The following ENPP1 variants were observed in gnomAD, a reference collection of about 807,000 sequenced individuals.
ENPP1 encodes the protein ectonucleotide pyrophosphatase/phosphodiesterase family member 1.
A neutral mutation model predicts 122.8 loss-of-function variants in ENPP1; 73 were observed. That is an observed-to-expected ratio of 0.59 (90% CI 0.49 to 0.72). The LOEUF (loss-of-function observed/expected upper bound fraction) is 0.72, where lower values mean the gene tolerates loss of function less well. Among genes scored for constraint, ENPP1 ranks in the 30% least tolerant of loss-of-function variants. ENPP1 has a pLI of 0.00. For synonymous variants in ENPP1, 367 were observed against 391.6 expected, an observed-to-expected ratio of 0.94 and a Z score of 0.74; for missense variants, 978 against 1,128.1, an observed-to-expected ratio of 0.87 and a Z score of 1.91.
chr6:131,854,923 C>G lies in ENPP1; in HGVS notation c.618-3C>G, dbSNP rs774521656. The G allele has an allele frequency of 6.2e-7, 1 of 1,607,076 alleles. No individual in the cohort carries two copies. The highest frequency in any genetic ancestry group is 1.1e-5 in the South Asian group (1 of 90,958). On this transcript the variant is annotated splice_polypyrimidine_tract_variant and splice_region_variant and intron_variant, in intron 5 of 24. Coordinates refer to ENST00000647893, the MANE Select transcript of ENPP1 (RefSeq NM_006208.3). Reference sequence around the variant, plus strand: ...ACATTTTTTTTTCTTTTTCATTACCCAGGTTTGAAACGCCTCCTACCCTCT... The same window carrying G: ...ACATTTTTTTTTCTTTTTCATTACCGAGGTTTGAAACGCCTCCTACCCTCT...
At chr6:131,827,567 A>C (rs1781560553) in intron 1 of ENPP1, 1 of 596,512 alleles carries the variant, frequency 1.7e-6, no homozygotes, top group Non-Finnish European at 3.1e-6. Context: ...GTCAATTTAA[A>C]GAGTGATGTA....
chr6:131,857,952 C>A (rs1781970600), intron 6 of ENPP1, among the ~76,000 whole-genome samples: 1 of 152,114 alleles, frequency 6.6e-6, no homozygotes, highest in African/African-American at 2.4e-5. Flanking sequence ...AGCCCAAGCC[C>A]TAGCTTTGAA....
intron 1 of ENPP1, among the ~76,000 whole-genome samples, chr6:131,837,436 G>T (rs1364496883): frequency 6.8e-6 from 1 of 146,942 alleles, no homozygotes; most frequent in Non-Finnish European, 1.5e-5. Context: ...TGAAGCAGGA[G>T]AATCGTTTGA....
At chr6:131,821,702 T>G (rs964511371) in intron 1 of ENPP1, among the ~76,000 whole-genome samples, 1 of 152,196 alleles carries the variant, frequency 6.6e-6, no homozygotes, top group African/African-American at 2.4e-5. Flanking sequence ...CATTCAGATG[T>G]TTTTCCAATT....
At position 131,851,174 on chromosome 6, in the gene ENPP1, G is replaced by A. The variant is rs1175498318; in HGVS notation, c.463G>A (p.Gly155Ser). The A allele has an allele frequency of 6.2e-7, 1 of 1,613,924 alleles. No homozygotes were observed. The highest frequency in any genetic ancestry group is 1.7e-5 in the Admixed American group (1 of 60,010). Residue 155 changes from glycine (G) to serine (S), a missense_variant, in exon 4 of 25, where the codon GGT becomes AGT. Physicochemically the swap from Gly to Ser is moderately conservative, Grantham distance 56 (BLOSUM62 0). Around this residue, in one of 3 missense-constraint regions of ENPP1, gnomAD observed 330 missense variants for 328.5 expected, o/e 1.00. Transcript: ENST00000647893. ...HIWTCNKFRC[G>S]EKRLTRSLCA... ...ATGGACTTGCAACAAATTCAGGTGTGGTGAGAAAAGGTTGACCAGAAGCCT... is the reference window on the plus strand; with the variant it reads ...ATGGACTTGCAACAAATTCAGGTGTAGTGAGAAAAGGTTGACCAGAAGCCT...
chr6:131,849,211 A>G (rs1781851094), intron 2 of ENPP1, among the ~76,000 whole-genome samples: 1 of 152,140 alleles, frequency 6.6e-6, no homozygotes, highest in South Asian at 2.1e-4. Context: ...ACTATATGGC[A>G]TGCACCTGGC....
intron 2 of ENPP1, among the ~76,000 whole-genome samples, chr6:131,848,129 C>T (rs993031427): frequency 2.0e-5 from 3 of 152,158 alleles, no homozygotes; most frequent in East Asian, 3.8e-4. Context: ...ACATTCTTTA[C>T]TGCTCTTTTA....
chr6:131,844,019 A>G lies in ENPP1; in HGVS notation c.241-3757A>G, dbSNP rs560426693. 3.2e-4 allele frequency among the ~76,000 whole-genome samples: 49 copies of G among 152,294 alleles called. 2 individuals are homozygous for G. The highest frequency in any genetic ancestry group is 3.0e-3 in the Admixed American group (46 of 15,290). On this transcript the variant is annotated intron_variant, in intron 1 of 24. Coordinates refer to ENST00000647893, the MANE Select transcript of ENPP1 (RefSeq NM_006208.3). The stretch of plus-strand genomic sequence containing the variant: ...TATATCTTCCTCTCAGCCTTCTGAC[A>G]TGCCTATCTCTGAGCCTAACCCTCT...
At chr6:131,827,894 C>A in intron 1 of ENPP1, 1 of 1,391,370 alleles carries the variant, frequency 7.2e-7, no homozygotes. Flanking sequence ...ACTGACTGCT[C>A]GGCCACTGTT....
chr6:131,848,826 C>T (rs1392086994), intron 2 of ENPP1, among the ~76,000 whole-genome samples: 1 of 152,058 alleles, frequency 6.6e-6, no homozygotes, highest in African/African-American at 2.4e-5. Flanking sequence ...AATAGACTTC[C>T]CTGACCCCCA....
intron 1 of ENPP1, among the ~76,000 whole-genome samples, chr6:131,818,686 A>T (rs1415274357): frequency 6.6e-6 from 1 of 152,140 alleles, no homozygotes; most frequent in Non-Finnish European, 1.5e-5. Context: ...CAGATTTAAT[A>T]ATCTGAAACC....
rs1279530888 is a variant in ENPP1 at position 131,868,246 on chromosome 6, T to A, written c.1273+120T>A. On this transcript the variant is annotated intron_variant, in intron 12 of 24. Coordinates refer to ENST00000647893, the MANE Select transcript of ENPP1 (RefSeq NM_006208.3). ...TCTTTTTTAAAAATGTAGTTTCTTA[T>A]GGACAGTCTTTAGGAAAAAAATACA... 6.9e-6 allele frequency: 5 copies of A among 724,840 alleles called. No homozygotes were observed. The Admixed American group carries it at 8.8e-5, about 13-fold the overall frequency. The allele number at this position is 724,840 out of a possible 1,614,324, so 44.9% of individuals were successfully genotyped here.
chr6:131,890,619 G>T lies in ENPP1; in HGVS notation c.*108G>T. On this transcript the variant is annotated 3_prime_UTR_variant, in exon 25 of 25. Coordinates refer to ENST00000647893, the MANE Select transcript of ENPP1 (RefSeq NM_006208.3). ...GTTCAGAAACTGTCGACCAGAGTTA[G>T]AACGGAGCCCTCGGTGATGCGGACA... 9.9e-7 allele frequency: 1 copy of T among 1,006,530 alleles called. No individual in the cohort carries two copies. The highest frequency in any genetic ancestry group is 1.3e-5 in the South Asian group (1 of 76,200). 62.3% of individuals were successfully genotyped at this position (1,006,530 alleles called of 1,614,324 possible).
At chr6:131,818,046 GAT>G in intron 1 of ENPP1, among the ~76,000 whole-genome samples, 1 of 152,162 alleles carries the variant, frequency 6.6e-6, no homozygotes, top group East Asian at 1.9e-4. Context: ...TGTTCCTAAA[GAT>G]GTGTTTCCCG....
chr6:131,841,544 C>G (rs1317793435), intron 1 of ENPP1, among the ~76,000 whole-genome samples: 1 of 152,202 alleles, frequency 6.6e-6, no homozygotes, highest in Non-Finnish European at 1.5e-5. Flanking sequence ...CAAACTGACT[C>G]TGTCAGCTTA....
chr6:131,815,871 A>ATTTTTTTTTTT (rs750091125), intron 1 of ENPP1, among the ~76,000 whole-genome samples: 11 of 115,838 alleles, frequency 9.5e-5, no homozygotes, highest in African/African-American at 2.1e-4. Flanking sequence ...CACCTGGCTA[A>ATTTTTTTTTTT]TTTTTTTTTT....
chr6:131,823,147 C>T (rs1343393350), intron 1 of ENPP1, among the ~76,000 whole-genome samples: 1 of 152,074 alleles, frequency 6.6e-6, no homozygotes, highest in Non-Finnish European at 1.5e-5. Context: ...TAGAGTAGAC[C>T]CTTGCTGGTA....
At chr6:131,827,686 A>T in intron 1 of ENPP1, 1 of 657,444 alleles carries the variant, frequency 1.5e-6, no homozygotes, top group Non-Finnish European at 2.8e-6. Context: ...GTGCATGCGG[A>T]ATCTTCTCAC....
intron 1 of ENPP1, among the ~76,000 whole-genome samples, chr6:131,844,448 C>T (rs939341452): frequency 6.6e-6 from 1 of 152,168 alleles, no homozygotes; most frequent in African/African-American, 2.4e-5. Flanking sequence ...CAGTGATTAG[C>T]CCATAGGCAT....
Sources: gnomAD v4.1 joint callset for allele counts (sites outside exome capture counted in the v4.1 genomes callset) on GRCh38, gnomAD v4.1.1 for gene constraint, gnomAD v4.1.1 regional missense constraint, MANE v1.5 for transcripts, NCBI Gene and HGNC (gene_info 2026-07-23, HGNC 2026-07-21) for gene names.